COL19A1: variants seen among roughly 807,000 people sequenced by gnomAD.
COL19A1 encodes collagen alpha-1(XIX) chain.
Under a neutral mutation model 190.2 loss-of-function variants are expected in COL19A1, and 159 were observed. The ratio of observed to expected loss-of-function variants is 0.84; its 90% CI spans 0.73 to 0.95. The LOEUF is 0.95. COL19A1 is among the 40% of genes least tolerant of loss of function. The pLI is 0.00. For missense variants in COL19A1, 1,418 were observed against 1,431.9 expected (o/e 0.99, Z 0.16); for synonymous variants, 509 against 458.9 (o/e 1.11, Z -1.39).
intron 4 of COL19A1, among the ~76,000 whole-genome samples, chr6:69,918,278 G>A (rs780040260): frequency 6.6e-6 from 1 of 152,184 alleles, no homozygotes; most frequent in East Asian, 1.9e-4. Context: ...GTAAGGAAAG[G>A]CAAAGAAGGA....
intron 15 of COL19A1, among the ~76,000 whole-genome samples, chr6:70,075,573 C>A (rs1562147475): frequency 6.6e-6 from 1 of 152,184 alleles, no homozygotes; most frequent in South Asian, 2.1e-4. Flanking sequence ...AAAACAACTT[C>A]TAGCACAGGC....
chr6:69,872,645 T>C (rs532942136), intron 1 of COL19A1, among the ~76,000 whole-genome samples: 13 of 152,362 alleles, frequency 8.5e-5, no homozygotes, highest in Non-Finnish European at 1.6e-4. Context: ...TTATTCCATA[T>C]GGCAAATGAT....
chr6:70,130,142 G>A lies in COL19A1; in HGVS notation c.1342-40G>A, dbSNP rs556234375. Reference sequence around the variant, plus strand: ...CAGATTGAATGTGTTAAAAATTAGCGGATTTTTCTTTTGTATTTTAAATTG... The same window carrying A: ...CAGATTGAATGTGTTAAAAATTAGCAGATTTTTCTTTTGTATTTTAAATTG... On this transcript the variant is annotated intron_variant, in intron 17 of 50. Transcript: ENST00000620364. 2.1e-5 allele frequency: 33 copies of A among 1,605,576 alleles called. No homozygotes were observed. In the Middle Eastern group the frequency reaches 5.0e-4, roughly 24 times the overall value.
rs555991313 is a variant in COL19A1 at position 70,162,881 on chromosome 6, A to G, written c.2347-462A>G. Among the ~76,000 whole-genome samples, 28 of 152,332 alleles carry G rather than the reference A, an allele frequency of 1.8e-4. No individual in the cohort carries two copies. The South Asian group carries it at 5.4e-3, about 29-fold the overall frequency. On this transcript the variant is annotated intron_variant, in intron 35 of 50. Transcript: ENST00000620364. ...AGTTGTGAAAGAAACCATGAAAATT[A>G]TAGCTAACTCTGTTCCCAAAGGATT...
chr6:70,140,885 A>G, intron 19 of COL19A1, 69 bp from the exon 20 acceptor site: 1 of 1,492,996 alleles, frequency 6.7e-7, no homozygotes, highest in Non-Finnish European at 9.3e-7. Context: ...TATAGGGTTT[A>G]TCCACACCCC....
chr6:70,018,106 T>C (rs567283669), intron 11 of COL19A1, among the ~76,000 whole-genome samples: 1 of 152,140 alleles, frequency 6.6e-6, no homozygotes, highest in African/African-American at 2.4e-5. Context: ...AGGCTGAAGA[T>C]TCAGAAGAGG....
intron 5 of COL19A1, among the ~76,000 whole-genome samples, 194 bp downstream of exon 5, chr6:69,928,226 T>C (rs1772523407): frequency 6.6e-6 from 1 of 152,032 alleles, no homozygotes; most frequent in Non-Finnish European, 1.5e-5. Flanking sequence ...TATGAGAGTA[T>C]AGTGGTAAAC....
At chr6:70,142,549 CTGCTGGTGAGAACA>C (rs1786328081) in intron 22 of COL19A1, among the ~76,000 whole-genome samples, 2 of 152,106 alleles carry the variant, frequency 1.3e-5, no homozygotes, top group Non-Finnish European at 2.9e-5. Flanking sequence ...CAGGTATCAC[CTGCTGGTGAGAACA>C]CATAAATTAA....
At chr6:70,114,411 A>T (rs1784450693) in intron 16 of COL19A1, among the ~76,000 whole-genome samples, 1 of 152,160 alleles carries the variant, frequency 6.6e-6, no homozygotes, top group South Asian at 2.1e-4. Context: ...TATTTATATG[A>T]CCTTGAGTCA....
intron 16 of COL19A1, among the ~76,000 whole-genome samples, chr6:70,104,504 C>A (rs1345335983): frequency 6.6e-6 from 1 of 152,156 alleles, no homozygotes; most frequent in Non-Finnish European, 1.5e-5. Context: ...CCTCTTGACC[C>A]AATCACCTCC....
intron 14 of COL19A1, among the ~76,000 whole-genome samples, chr6:70,067,536 G>A (rs1781313084): frequency 6.6e-6 from 1 of 152,052 alleles, no homozygotes; most frequent in Non-Finnish European, 1.5e-5. Context: ...GGTAGCAGTG[G>A]TTCCATCAAG....
rs1451133201 is a variant in COL19A1, at chr6:69,921,054, A to ATATATAT, written c.267-6854_267-6853insATATATT. 9.6e-4 allele frequency among the ~76,000 whole-genome samples: 47 copies of ATATATAT among 49,110 alleles called. 1 individual carries two copies. The highest frequency in any genetic ancestry group is 1.6e-3 in the African/African-American group (26 of 16,250). 32.2% of individuals were successfully genotyped at this position (49,110 alleles called of 152,430 possible). ...ATATATCATATATATTCATAGACAT[A>ATATATAT]TCATATATATTCATAGACATATCAT... On this transcript the variant is annotated intron_variant, in intron 4 of 50. Coordinates refer to ENST00000620364, the MANE Select transcript of COL19A1 (RefSeq NM_001858.6).
chr6:70,110,052 T>C (rs1301166209), intron 16 of COL19A1, among the ~76,000 whole-genome samples: 1 of 152,200 alleles, frequency 6.6e-6, no homozygotes, highest in Non-Finnish European at 1.5e-5. Flanking sequence ...AGGAAAGTTA[T>C]TATTTTCAGC....
intron 1 of COL19A1, among the ~76,000 whole-genome samples, chr6:69,873,660 G>A (rs187107016): frequency 6.6e-6 from 1 of 152,242 alleles, no homozygotes; most frequent in Non-Finnish European, 1.5e-5. Flanking sequence ...TTAAACATAT[G>A]GTATGCAGAC....
At chr6:69,935,086 A>G (rs1468837138) in intron 7 of COL19A1, among the ~76,000 whole-genome samples, 1 of 152,024 alleles carries the variant, frequency 6.6e-6, no homozygotes, top group African/African-American at 2.4e-5. Context: ...TTGGATTTTC[A>G]GTTTCTAAAG....
intron 9 of COL19A1, among the ~76,000 whole-genome samples, chr6:69,942,687 C>A (rs1773546925): frequency 6.6e-6 from 1 of 151,568 alleles, no homozygotes; most frequent in African/African-American, 2.4e-5. Context: ...CATGTTGCTG[C>A]AAATGATGGG....
intron 15 of COL19A1, among the ~76,000 whole-genome samples, chr6:70,077,602 A>G (rs180744916): frequency 1.3e-5 from 2 of 152,220 alleles, no homozygotes; most frequent in Admixed American, 1.3e-4. Context: ...ACAGTATACA[A>G]CGTATGTTGT....
chr6:70,180,657 T>G, intron 44 of COL19A1, 134 bp downstream of exon 44: 1 of 879,444 alleles, frequency 1.1e-6, no homozygotes, highest in Non-Finnish European at 1.8e-6. Context: ...CAGATGGATT[T>G]TTGATGGCAA....
At chr6:70,199,994 A>G (rs1767454068) in intron 49 of COL19A1, 1 of 316,514 alleles carries the variant, frequency 3.2e-6, no homozygotes, top group African/African-American at 2.2e-5. Flanking sequence ...GTATTGTAAA[A>G]ATAATATTTA....
Sources: allele counts gnomAD v4.1 joint callset (sites outside exome capture counted in the v4.1 genomes callset), GRCh38; gene constraint gnomAD v4.1.1; transcripts MANE v1.5; gene names NCBI Gene and HGNC (gene_info 2026-07-23, HGNC 2026-07-21).